The following TENM3 variants were observed in gnomAD, a reference collection of about 807,000 sequenced individuals.
TENM3 encodes the protein teneurin-3.
A neutral mutation model predicts 255.1 loss-of-function variants in TENM3; 63 were observed. The observed-to-expected ratio is 0.25, with a 90% CI of 0.20 to 0.30. The LOEUF (loss-of-function observed/expected upper bound fraction) is 0.30, where lower values mean the gene tolerates loss of function less well. TENM3 is among the 10% of genes least tolerant of loss of function. The pLI is 1.00. For missense variants in TENM3, 2,929 were observed against 3,461.1 expected (o/e 0.85, Z 3.86); for synonymous variants, 1,306 against 1,322.3 (o/e 0.99, Z 0.27).
rs201911984 is a variant in TENM3 at position 182,172,662 on chromosome 4, TA to T, written c.-76+27909del. Among the ~76,000 whole-genome samples, 3 of 152,312 alleles carry T rather than the reference TA, an allele frequency of 2.0e-5. No homozygotes were observed. The East Asian group carries it at 5.8e-4, about 29-fold the overall frequency. ...AACCGAGAAACTATAATCATAAAGT[TA>T]CTGGCTGAATTTAAAATTATTTATT... On this transcript the variant is annotated intron_variant, in intron 1 of 2. Coordinates refer to the TENM3 transcript ENST00000512480.
chr4:182,031,985 A>T, the TENM3 span, among the ~76,000 whole-genome samples: 16 of 152,232 alleles, frequency 1.1e-4, no homozygotes, highest in Non-Finnish European at 1.9e-4. Flanking sequence ...ATATAGGATC[A>T]TGTCATCTGC....
the TENM3 span, among the ~76,000 whole-genome samples, chr4:182,056,557 T>C: frequency 1.8e-4 from 27 of 152,264 alleles, no homozygotes; most frequent in Middle Eastern, 0.01. Context: ...ATAAACCACC[T>C]TTAAAAAGAC....
intron 3 of TENM3, among the ~76,000 whole-genome samples, chr4:182,402,071 C>T (rs1769248567): frequency 6.6e-6 from 1 of 152,188 alleles, no homozygotes; most frequent in Non-Finnish European, 1.5e-5. Context: ...ACCCACGTGG[C>T]AGCGTGAAAC....
At chr4:182,244,055 G>A (rs1019070379) in intron 1 of TENM3, among the ~76,000 whole-genome samples, 2 of 142,414 alleles carry the variant, frequency 1.4e-5, no homozygotes, top group South Asian at 2.3e-4. Context: ...CCGGGTTCAC[G>A]CCATTCTCCT....
chr4:182,728,266 C>A (rs1337119680), intron 13 of TENM3, among the ~76,000 whole-genome samples: 1 of 152,178 alleles, frequency 6.6e-6, no homozygotes, highest in Non-Finnish European at 1.5e-5. Flanking sequence ...AGAGCTTCGT[C>A]CTACATAGAT....
chr4:181,994,832 T>A, the TENM3 span, among the ~76,000 whole-genome samples: 1 of 152,222 alleles, frequency 6.6e-6, no homozygotes, highest in Non-Finnish European at 1.5e-5. Context: ...TAAATTAGAA[T>A]GTAATTGTCC....
intron 3 of TENM3, among the ~76,000 whole-genome samples, chr4:182,541,534 A>G (rs896472797): frequency 5.3e-5 from 8 of 152,218 alleles, no homozygotes; most frequent in Admixed American, 1.3e-4. Flanking sequence ...GAGAACTTCT[A>G]TTGAATCCAT....
intron 3 of TENM3, among the ~76,000 whole-genome samples, chr4:182,598,539 A>C (rs1469956452): frequency 6.6e-6 from 1 of 152,242 alleles, no homozygotes; most frequent in African/African-American, 2.4e-5. Context: ...TTTATTTAGG[A>C]ATAAGAATTC....
the TENM3 span, among the ~76,000 whole-genome samples, chr4:181,880,138 TC>T: frequency 6.6e-6 from 1 of 152,166 alleles, no homozygotes; most frequent in Non-Finnish European, 1.5e-5. Flanking sequence ...TCATGTTGAT[TC>T]CTGACCTATA....
the TENM3 span, among the ~76,000 whole-genome samples, chr4:181,752,873 G>C: frequency 6.6e-6 from 1 of 151,536 alleles, no homozygotes. Context: ...ACTAAAAATA[G>C]CTCAGTGGCA....
chr4:181,864,776 C>G, the TENM3 span, among the ~76,000 whole-genome samples: 1 of 152,164 alleles, frequency 6.6e-6, no homozygotes, highest in Admixed American at 6.5e-5. Context: ...CCAGCAATTC[C>G]TTAACTAGAG....
chr4:182,011,961 C>G, the TENM3 span, among the ~76,000 whole-genome samples: 1 of 152,166 alleles, frequency 6.6e-6, no homozygotes. Flanking sequence ...TAAGCCCATT[C>G]AAAGAGACTT....
intron 3 of TENM3, among the ~76,000 whole-genome samples, chr4:182,528,099 A>T (rs922288128): frequency 6.6e-6 from 1 of 152,092 alleles, no homozygotes; most frequent in African/African-American, 2.4e-5. Context: ...GAATCTTGAA[A>T]ACTTAGCAAG....
At chr4:182,682,064 A>G (rs770544943) in intron 11 of TENM3, 50 bp downstream of exon 11, 8 of 1,479,826 alleles carry the variant, frequency 5.4e-6, no homozygotes, top group South Asian at 1.2e-5. Flanking sequence ...CTGTTTGGCT[A>G]AAGATGATAT....
chr4:182,562,159 A>C (rs1434896199), intron 3 of TENM3, among the ~76,000 whole-genome samples: 1 of 152,192 alleles, frequency 6.6e-6, no homozygotes, highest in Non-Finnish European at 1.5e-5. Flanking sequence ...TGTCTAGGCA[A>C]CCTTAGGCTG....
chr4:182,553,919 AC>A (rs1489456876), intron 3 of TENM3, among the ~76,000 whole-genome samples: 2 of 152,264 alleles, frequency 1.3e-5, no homozygotes, highest in South Asian at 2.1e-4. Context: ...TGCCAAATGA[AC>A]AATTTTATGT....
At chr4:181,927,898 G>T in the TENM3 span, among the ~76,000 whole-genome samples, 1 of 152,168 alleles carries the variant, frequency 6.6e-6, no homozygotes, top group African/African-American at 2.4e-5. Flanking sequence ...GTCTGGAGTG[G>T]ACCTCCAGCA....
chr4:182,195,417 T>A (rs1028599127), intron 1 of TENM3, among the ~76,000 whole-genome samples: 1 of 152,048 alleles, frequency 6.6e-6, no homozygotes, highest in Non-Finnish European at 1.5e-5. Context: ...AGTGGGAGGA[T>A]CTCTTGAGCT....
intron 3 of TENM3, among the ~76,000 whole-genome samples, chr4:182,374,050 G>A (rs534598814): frequency 6.6e-6 from 1 of 151,778 alleles, no homozygotes; most frequent in East Asian, 1.9e-4. Context: ...ATATATATAT[G>A]TATATTTAGA....
Sources: gnomAD v4.1 joint callset for allele counts (sites outside exome capture counted in the v4.1 genomes callset) on GRCh38, gnomAD v4.1.1 for gene constraint, MANE v1.5 for transcripts, NCBI Gene and HGNC (gene_info 2026-07-23, HGNC 2026-07-21) for gene names.